The following KCNMA1 variants were observed in gnomAD, a reference collection of about 807,000 sequenced individuals.
KCNMA1 encodes potassium calcium-activated channel subfamily M alpha 1, also known as Calcium-activated potassium channel subunit alpha-1.
A neutral mutation model predicts 140.0 loss-of-function variants in KCNMA1; 29 were observed. The ratio of observed to expected loss-of-function variants is 0.21; its 90% CI spans 0.15 to 0.28. The LOEUF is 0.28. Among genes scored for constraint, KCNMA1 ranks in the 10% least tolerant of loss-of-function variants. The pLI is 1.00. For missense variants in KCNMA1, 880 were observed against 1,602.2 expected (o/e 0.55, Z 7.70); for synonymous variants, 612 against 611.9 (o/e 1.00, Z 0.00).
chr10:77,613,436 A>C lies in KCNMA1; in HGVS notation c.378+23829T>G, dbSNP rs188321357. 3.5e-4 allele frequency among the ~76,000 whole-genome samples: 53 copies of C among 152,296 alleles called. No homozygotes were observed. In the Middle Eastern group the frequency reaches 0.017, roughly 49 times the overall value. On this transcript the variant is annotated intron_variant, in intron 1 of 27. Coordinates refer to ENST00000286628, the MANE Select transcript of KCNMA1 (RefSeq NM_001161352.2). Reference sequence around the variant, plus strand: ...CCCAAAAGCAATGCTTTTATCTAAAATCAGACCACATGGGCAACAAGTGAA... The same window carrying C: ...CCCAAAAGCAATGCTTTTATCTAAACTCAGACCACATGGGCAACAAGTGAA...
intron 6 of KCNMA1, among the ~76,000 whole-genome samples, chr10:77,119,952 A>G (rs2097559810): frequency 6.6e-6 from 1 of 152,244 alleles, no homozygotes; most frequent in Non-Finnish European, 1.5e-5. Context: ...AAAGCCAATC[A>G]TAGGTTGAAT....
chr10:77,160,842 G>A (rs1188728743), intron 5 of KCNMA1, among the ~76,000 whole-genome samples: 1 of 152,186 alleles, frequency 6.6e-6, no homozygotes, highest in African/African-American at 2.4e-5. Flanking sequence ...CCTTCCATAT[G>A]TTATGTTCCC....
At chr10:77,579,409 C>T (rs756583641) in intron 1 of KCNMA1, among the ~76,000 whole-genome samples, 1 of 152,168 alleles carries the variant, frequency 6.6e-6, no homozygotes, top group African/African-American at 2.4e-5. Context: ...AACTCTGCCA[C>T]GGTAAGCTTG....
chr10:76,894,837 T>A (rs2041795846), intron 25 of KCNMA1, among the ~76,000 whole-genome samples: 1 of 152,096 alleles, frequency 6.6e-6, no homozygotes, highest in African/African-American at 2.4e-5. Flanking sequence ...TTGGTAAGAA[T>A]AAGGAGAAAC....
In KCNMA1 at chr10:76,885,608, C is replaced by T. The variant is rs200458347; in HGVS notation, c.*1658G>A. ...TGGTACAGCTGTGACATGTTTTCCT[C>T]CTCCCTTTTACCCCTATTCTATTCG... On this transcript the variant is annotated 3_prime_UTR_variant, in exon 28 of 28. Coordinates refer to ENST00000286628, the MANE Select transcript of KCNMA1 (RefSeq NM_001161352.2). The T allele has an allele frequency of 8.1e-6, 8 of 985,214 alleles. No homozygotes were observed. The highest frequency in any genetic ancestry group is 9.6e-6 in the Non-Finnish European group (8 of 829,922). 61.0% of individuals were successfully genotyped at this position (985,214 alleles called of 1,614,324 possible).
chr10:77,079,511 G>T lies in KCNMA1; in HGVS notation c.1563C>A (p.Ile521=), dbSNP rs78544619. 2.4e-5 allele frequency: 38 copies of T among 1,612,818 alleles called. No homozygotes were observed. Among genetic ancestry groups the T allele is most frequent in the Non-Finnish European group, 3.2e-5 (38 of 1,178,954 alleles). ...TGTGATACTGCAGCATTTGAGTGAT[G>T]ATTCTTATCTTCGGATGGTAGTTCT... ...SIKNYHPKIR[I]ITQMLQYHNK... Residue 521 remains isoleucine, a synonymous_variant, in exon 13 of 28, where the codon ATC becomes ATA. Coordinates refer to ENST00000286628, the MANE Select transcript of KCNMA1 (RefSeq NM_001161352.2).
At chr10:76,883,236 T>A (rs142150401), downstream of KCNMA1, among the ~76,000 whole-genome samples, 103 of 152,280 alleles carry the variant, frequency 6.8e-4, no homozygotes, top group African/African-American at 2.4e-3. Context: ...GCACTCATAT[T>A]TTTTTAAAAA....
At chr10:77,238,717 C>T (rs2056393708) in intron 3 of KCNMA1, among the ~76,000 whole-genome samples, 1 of 152,172 alleles carries the variant, frequency 6.6e-6, no homozygotes, top group East Asian at 1.9e-4. Context: ...TGAAGATGGC[C>T]CTCTGGCAGT....
Position 77,075,057 on chromosome 10 carries a change from A to C in KCNMA1, c.1594-1805T>G, listed in dbSNP as rs117830243. Among the ~76,000 whole-genome samples, 124 of 152,312 alleles carry C rather than the reference A, an allele frequency of 8.1e-4. 1 individual carries two copies. The highest frequency in any genetic ancestry group is 1.4e-3 in the Non-Finnish European group (92 of 68,034). ...TTCTTGCAAAATCCGCTTCTGTGAC[A>C]ATCTTGTGCATCCTAAGCCAAAAGT... On this transcript the variant is annotated intron_variant, in intron 13 of 27. Transcript: ENST00000286628.
intron 2 of KCNMA1, among the ~76,000 whole-genome samples, chr10:77,331,521 A>C (rs1371459365): frequency 2.6e-5 from 4 of 152,242 alleles, no homozygotes; most frequent in African/African-American, 9.6e-5. Context: ...TATTTACTTA[A>C]TAAATATGAC....
At chr10:77,492,677 T>C (rs996235261) in intron 1 of KCNMA1, among the ~76,000 whole-genome samples, 2 of 152,342 alleles carry the variant, frequency 1.3e-5, no homozygotes, top group South Asian at 4.1e-4. Flanking sequence ...CTTGGAACCA[T>C]GGACAAGTTC....
chr10:77,391,907 T>C (rs759021879), intron 2 of KCNMA1, among the ~76,000 whole-genome samples: 9 of 151,644 alleles, frequency 5.9e-5, no homozygotes, highest in Admixed American at 4.6e-4. Context: ...ACAAACTTTC[T>C]CGCAGCTGAA....
chr10:77,476,353 A>C (rs2098277801), intron 1 of KCNMA1, among the ~76,000 whole-genome samples: 1 of 152,170 alleles, frequency 6.6e-6, no homozygotes, highest in African/African-American at 2.4e-5. Context: ...TGATGGCCCT[A>C]AATCCAATCC....
chr10:77,487,081 T>C (rs959819705), intron 1 of KCNMA1, among the ~76,000 whole-genome samples: 5 of 152,206 alleles, frequency 3.3e-5, no homozygotes, highest in Admixed American at 1.3e-4. Flanking sequence ...GCGATGTTGA[T>C]GGTAGGAACC....
intron 1 of KCNMA1, among the ~76,000 whole-genome samples, chr10:77,511,128 G>A (rs1050162090): frequency 1.3e-5 from 2 of 152,196 alleles, no homozygotes; most frequent in Non-Finnish European, 2.9e-5. Context: ...TCACCAGGAA[G>A]GCTTGTTAAA....
At chr10:76,961,007 C>A (rs2153059815) in intron 20 of KCNMA1, among the ~76,000 whole-genome samples, 1 of 151,980 alleles carries the variant, frequency 6.6e-6, no homozygotes, top group East Asian at 1.9e-4. Flanking sequence ...AACTACCATT[C>A]TGTAGCCCAT....
chr10:77,280,567 C>T (rs557779966), intron 2 of KCNMA1, among the ~76,000 whole-genome samples: 1 of 152,252 alleles, frequency 6.6e-6, no homozygotes, highest in African/African-American at 2.4e-5. Flanking sequence ...CCCTTTGTTG[C>T]CCAGACTGGA....
intron 5 of KCNMA1, among the ~76,000 whole-genome samples, chr10:77,171,582 A>C (rs142725989): frequency 1.9e-3 from 293 of 152,190 alleles, no homozygotes; most frequent in African/African-American, 6.8e-3. Flanking sequence ...CCCAATTCTC[A>C]TATGCTTGGT....
intron 2 of KCNMA1, among the ~76,000 whole-genome samples, chr10:77,334,668 G>A (rs1017300675): frequency 1.3e-5 from 2 of 152,236 alleles, no homozygotes; most frequent in South Asian, 2.1e-4. Flanking sequence ...TAATGCAAGC[G>A]TTGAGACATA....
Sources: gnomAD v4.1 joint callset for allele counts (sites outside exome capture counted in the v4.1 genomes callset) on GRCh38, gnomAD v4.1.1 for gene constraint, MANE v1.5 for transcripts, NCBI Gene and HGNC (gene_info 2026-07-23, HGNC 2026-07-21) for gene names.